RAPGEF5: variants seen among roughly 807,000 people sequenced by gnomAD.
RAPGEF5 encodes M-Ras-regulated GEF.
In RAPGEF5, 65 loss-of-function variants were observed where a neutral mutation model predicts 125.2. The ratio of observed to expected loss-of-function variants is 0.52; its 90% confidence interval spans 0.43 to 0.64. The LOEUF is 0.64. RAPGEF5 is among the 30% of genes least tolerant of loss of function. The probability of loss-of-function intolerance (pLI) is 0.00; values close to 1 mark genes in which losing one functional copy is unlikely to be tolerated. For missense variants in RAPGEF5, 958 were observed against 1,048.1 expected (o/e 0.91, Z 1.19); for synonymous variants, 391 against 385.9 (o/e 1.01, Z -0.16).
chr7:22,130,826 T>C, intron 24 of RAPGEF5: 1 of 621,390 alleles, frequency 1.6e-6, no homozygotes, highest in South Asian at 2.0e-5. Flanking sequence ...CACAAAAACC[T>C]TGCTAACATA....
intron 11 of RAPGEF5, among the ~76,000 whole-genome samples, chr7:22,167,633 G>C (rs1784213247): frequency 6.6e-6 from 1 of 152,114 alleles, no homozygotes; most frequent in African/African-American, 2.4e-5. Context: ...ACACATATCA[G>C]GTTCCAAGGC....
intron 5 of RAPGEF5, among the ~76,000 whole-genome samples, chr7:22,303,357 G>A (rs1015579908): frequency 1.3e-5 from 2 of 152,040 alleles, no homozygotes; most frequent in African/African-American, 4.8e-5. Context: ...TTCAGTTTGG[G>A]TATAAAAGTT....
chr7:22,275,643 T>G (rs775793629), intron 6 of RAPGEF5, among the ~76,000 whole-genome samples: 3 of 152,116 alleles, frequency 2.0e-5, no homozygotes, highest in Non-Finnish European at 2.9e-5. Flanking sequence ...TTCTAAAGAT[T>G]TGTTTTAAGA....
At chr7:22,294,541 C>T (rs1358144089) in intron 5 of RAPGEF5, among the ~76,000 whole-genome samples, 1 of 152,204 alleles carries the variant, frequency 6.6e-6, no homozygotes, top group Non-Finnish European at 1.5e-5. Flanking sequence ...GATGCATTAT[C>T]ATTATGTCCA....
chr7:22,228,497 G>A (rs1273327156), intron 8 of RAPGEF5, among the ~76,000 whole-genome samples: 1 of 151,822 alleles, frequency 6.6e-6, no homozygotes, highest in East Asian at 1.9e-4. Context: ...TTGCCCAAAG[G>A]TTTTTTGTTT....
chr7:22,331,844 G>A (rs1195350990), intron 1 of RAPGEF5, among the ~76,000 whole-genome samples: 1 of 151,986 alleles, frequency 6.6e-6, no homozygotes, highest in African/African-American at 2.4e-5. Context: ...AGGGACAGCA[G>A]TAAGCAGGTT....
intron 6 of RAPGEF5, among the ~76,000 whole-genome samples, chr7:22,268,730 C>T (rs541589621): frequency 6.6e-6 from 1 of 152,156 alleles, no homozygotes; most frequent in African/African-American, 2.4e-5. Context: ...CACAACGGAT[C>T]GAAACCAGTC....
At chr7:22,337,282 C>G (rs1328194527) in intron 1 of RAPGEF5, among the ~76,000 whole-genome samples, 1 of 152,168 alleles carries the variant, frequency 6.6e-6, no homozygotes, top group Non-Finnish European at 1.5e-5. Flanking sequence ...GACTCTGCTT[C>G]TGGCTGGGGA....
intron 6 of RAPGEF5, among the ~76,000 whole-genome samples, chr7:22,280,441 G>A (rs999083693): frequency 2.0e-5 from 3 of 152,176 alleles, no homozygotes; most frequent in African/African-American, 7.2e-5. Context: ...GGGGAAAGGA[G>A]ATGCTTTGAA....
intron 9 of RAPGEF5, among the ~76,000 whole-genome samples, chr7:22,211,461 T>C (rs945851417): frequency 6.6e-6 from 1 of 152,128 alleles, no homozygotes; most frequent in African/African-American, 2.4e-5. Flanking sequence ...TAAAGAAAAA[T>C]GGTGATATAG....
Position 22,122,469 on chromosome 7 carries a change from C to A in RAPGEF5, c.2589G>T (p.Leu863=). 6.2e-7 allele frequency: 1 copy of A among 1,613,926 alleles called. No homozygotes were observed. The highest frequency in any genetic ancestry group is 8.5e-7 in the Non-Finnish European group (1 of 1,179,854). Residue 863 remains leucine, a synonymous_variant, in exon 26 of 26, where the codon CTG becomes CTT. Transcript: ENST00000665637. ...GAGCCTGCTGGCTGTCAATGACATA[C>A]AGGTGATTAACATAGGACTTTAACT... ...HQELKSYVNH[L]YVIDSQQALF...
In RAPGEF5 at chr7:22,118,965, A is replaced by G. The variant is rs2128094197; in HGVS notation, c.*3441T>C. 1 of 146,094 alleles carries G rather than the reference A, an allele frequency of 6.8e-6. No homozygotes were observed. The highest frequency in any genetic ancestry group is 2.2e-4 in the South Asian group (1 of 4,464). 9.0% of individuals were successfully genotyped at this position (146,094 alleles called of 1,614,324 possible). A position where few individuals can be genotyped will look rare whatever the true frequency, so the allele number is the denominator to read the frequency against. ...AGAAGCAGGCTGAAATTTTAAGGACATGTTTTTGAAACATTTAAAAGAAAT... is the reference window on the plus strand; with the variant it reads ...AGAAGCAGGCTGAAATTTTAAGGACGTGTTTTTGAAACATTTAAAAGAAAT... On this transcript the variant is annotated 3_prime_UTR_variant, in exon 26 of 26. Transcript: ENST00000665637.
At chr7:22,355,325 A>G (rs890476940) in intron 1 of RAPGEF5, among the ~76,000 whole-genome samples, 1 of 152,206 alleles carries the variant, frequency 6.6e-6, no homozygotes, top group Non-Finnish European at 1.5e-5. Flanking sequence ...CTATAGATCT[A>G]TTTATACAGA....
chr7:22,250,185 C>T (rs933682543), intron 7 of RAPGEF5, among the ~76,000 whole-genome samples: 1 of 152,166 alleles, frequency 6.6e-6, no homozygotes, highest in Non-Finnish European at 1.5e-5. Flanking sequence ...AAATGTCTAT[C>T]ACTAATCTTA....
intron 5 of RAPGEF5, among the ~76,000 whole-genome samples, chr7:22,301,277 C>T (rs938526102): frequency 2.0e-5 from 3 of 152,010 alleles, no homozygotes; most frequent in Non-Finnish European, 2.9e-5. Context: ...CCATAGTTAA[C>T]GTCTCATAAA....
intron 6 of RAPGEF5, among the ~76,000 whole-genome samples, chr7:22,279,247 G>A (rs543478947): frequency 4.8e-4 from 73 of 152,278 alleles, no homozygotes; most frequent in African/African-American, 1.5e-3. Context: ...ACAGTTTTAA[G>A]TAGATTAAGT....
At chr7:22,197,784 CAATT>C (rs578207661) in intron 9 of RAPGEF5, among the ~76,000 whole-genome samples, 219 of 151,854 alleles carry the variant, frequency 1.4e-3, no homozygotes, top group African/African-American at 5.2e-3. Context: ...CACAGACACT[CAATT>C]AACATTTACT....
chr7:22,227,755 T>G (rs1019481095), intron 8 of RAPGEF5, among the ~76,000 whole-genome samples: 3 of 152,092 alleles, frequency 2.0e-5, no homozygotes, highest in African/African-American at 7.2e-5. Flanking sequence ...GGTGGGAGGA[T>G]CACTTGAGCC....
At chr7:22,126,100 G>GATCCCATC (rs560570982) in intron 24 of RAPGEF5, among the ~76,000 whole-genome samples, 1 of 152,302 alleles carries the variant, frequency 6.6e-6, no homozygotes, top group African/African-American at 2.4e-5. Flanking sequence ...AGTGAGCCAA[G>GATCCCATC]ATCCCATCAC....
Sources: allele counts gnomAD v4.1 joint callset (sites outside exome capture counted in the v4.1 genomes callset), GRCh38; gene constraint gnomAD v4.1.1; transcripts MANE v1.5; gene names NCBI Gene and HGNC (gene_info 2026-07-23, HGNC 2026-07-21).